Variants in KDM4D observed in about 807,000 individuals in gnomAD.
KDM4D encodes the protein lysine demethylase 4D, also known as lysine-specific demethylase 4D.
For missense variants in KDM4D, 427 were observed against 674.8 expected (o/e 0.63, Z 4.07); for synonymous variants, 254 against 249.1 (o/e 1.02, Z -0.19).
intron 2 of KDM4D, among the ~76,000 whole-genome samples, chr11:94,993,336 A>G (rs902263171): frequency 6.6e-6 from 1 of 152,186 alleles, no homozygotes; most frequent in East Asian, 1.9e-4. Context: ...GGGTAAGGGT[A>G]AAATGGAAGA....
At chr11:94,976,972 ACAAGT>A (rs1482326721) in intron 2 of KDM4D, among the ~76,000 whole-genome samples, 1 of 152,350 alleles carries the variant, frequency 6.6e-6, no homozygotes, top group African/African-American at 2.4e-5. Flanking sequence ...GATGCCAAAA[ACAAGT>A]CAATAAATTC....
intron 2 of KDM4D, 33 bp downstream of exon 2, chr11:94,975,781 T>C (rs1322121911): frequency 2.0e-5 from 3 of 152,140 alleles, no homozygotes; most frequent in African/African-American, 7.2e-5. Flanking sequence ...AATGAATGAA[T>C]GATGCACTAT....
chr11:94,992,471 G>T (rs1016533896), intron 2 of KDM4D, among the ~76,000 whole-genome samples: 2 of 151,860 alleles, frequency 1.3e-5, no homozygotes. Context: ...AACCTTAGTC[G>T]TTGTCCAAGA....
At chr11:94,979,672 GA>G (rs1555097371) in intron 2 of KDM4D, among the ~76,000 whole-genome samples, 1 of 152,130 alleles carries the variant, frequency 6.6e-6, no homozygotes, top group Non-Finnish European at 1.5e-5. Context: ...CTGTAGCTCT[GA>G]TATACTATTT....
At chr11:94,978,040 A>T (rs954903385) in intron 2 of KDM4D, among the ~76,000 whole-genome samples, 7 of 152,348 alleles carry the variant, frequency 4.6e-5, no homozygotes, top group Middle Eastern at 3.4e-3. Context: ...TGAAGATATG[A>T]TAAGACCCAG....
chr11:94,992,667 A>C (rs1857945215), intron 2 of KDM4D, among the ~76,000 whole-genome samples: 1 of 152,122 alleles, frequency 6.6e-6, no homozygotes, highest in South Asian at 2.1e-4. Context: ...TAAGTATCTA[A>C]TCTAAGAAAT....
At chr11:94,980,764 A>G (rs1205416026) in intron 2 of KDM4D, among the ~76,000 whole-genome samples, 1 of 152,126 alleles carries the variant, frequency 6.6e-6, no homozygotes, top group African/African-American at 2.4e-5. Flanking sequence ...ATATGTAGCT[A>G]TTTTAAATTC....
At chr11:94,995,734 C>T (rs1857970552) in intron 2 of KDM4D, among the ~76,000 whole-genome samples, 1 of 152,124 alleles carries the variant, frequency 6.6e-6, no homozygotes, top group South Asian at 2.1e-4. Context: ...GACTATTTGA[C>T]TAAATAGAGA....
chr11:94,994,295 A>G lies in KDM4D; in HGVS notation c.-349-2729A>G, dbSNP rs587741043. 1.4e-3 allele frequency among the ~76,000 whole-genome samples: 215 copies of G among 152,298 alleles called. 1 individual carries two copies. The highest frequency in any genetic ancestry group is 5.0e-3 in the African/African-American group (207 of 41,576). On this transcript the variant is annotated intron_variant, in intron 2 of 2. Coordinates refer to ENST00000335080, the MANE Select transcript of KDM4D (RefSeq NM_018039.3). ...CTTAGTTTCAGGAGAAAGATCATCA[A>G]TTTGTATTAAACCAGTTGACTTTCA...
intron 2 of KDM4D, among the ~76,000 whole-genome samples, chr11:94,982,983 GA>G (rs761692846): frequency 2.6e-5 from 4 of 151,900 alleles, no homozygotes; most frequent in Non-Finnish European, 5.9e-5. Flanking sequence ...GTATTTGACA[GA>G]ACCTGACAGA....
intron 2 of KDM4D, among the ~76,000 whole-genome samples, chr11:94,984,087 CAT>C (rs1857864317): frequency 6.6e-6 from 1 of 151,936 alleles, no homozygotes; most frequent in Admixed American, 6.6e-5. Context: ...TATAACAGAC[CAT>C]ATATAGTGTA....
intron 2 of KDM4D, among the ~76,000 whole-genome samples, chr11:94,976,719 C>T (rs1293126163): frequency 6.6e-6 from 1 of 152,148 alleles, no homozygotes; most frequent in African/African-American, 2.4e-5. Flanking sequence ...TAGTTTGGCC[C>T]TTGATTGCAA....
chr11:94,991,957 C>T (rs1555098742), intron 2 of KDM4D, among the ~76,000 whole-genome samples: 1 of 151,808 alleles, frequency 6.6e-6, no homozygotes, highest in Non-Finnish European at 1.5e-5. Context: ...TGTAAAGAAC[C>T]AAGAATCATA....
At position 94,998,908 on chromosome 11, in the gene KDM4D, C is replaced by T. The variant is rs781897685; in HGVS notation, c.1536C>T (p.Val512=). The T allele has an allele frequency of 2.6e-6, 4 of 1,514,446 alleles. No individual in the cohort carries two copies. The highest frequency in any genetic ancestry group is 3.5e-6 in the Non-Finnish European group (4 of 1,131,454). 93.8% of individuals were successfully genotyped at this position (1,514,446 alleles called of 1,614,324 possible). The change falls in exon 3 of 3, where the codon GTC becomes GTT. Residue 512 remains valine, a synonymous_variant. Coordinates refer to ENST00000335080, the MANE Select transcript of KDM4D (RefSeq NM_018039.3). This position sits in a 1 kb window ranked among gnomAD's most constrained non-coding sequence, Gnocchi z 6.7. ...TGAGCCCAGGGCTCCAGCATCCTGT[C>T]AAGGCTTCTGGGTGCAGCTGGGCCC... ...VPLSPGLQHP[V]KASGCSWAPV... is the part of the protein sequence containing the mutation.
intron 2 of KDM4D, among the ~76,000 whole-genome samples, chr11:94,989,227 G>C (rs1256446512): frequency 1.3e-5 from 2 of 152,164 alleles, no homozygotes; most frequent in Non-Finnish European, 2.9e-5. Flanking sequence ...TTATTGAGTA[G>C]TTTACAGAAT....
In KDM4D at chr11:94,997,355, G is replaced by C. The variant is rs782517456; in HGVS notation, c.-18G>C. The stretch of plus-strand genomic sequence containing the variant: ...TATCTAGAACATACCTAAAAACTAA[G>C]AGTTTACTGCTTATTAAATGGAAAC... On this transcript the variant is annotated 5_prime_UTR_variant, in exon 3 of 3. Transcript: ENST00000335080. The C allele has an allele frequency of 6.4e-7, 1 of 1,559,004 alleles. No individual in the cohort carries two copies. The highest frequency in any genetic ancestry group is 8.6e-7 in the Non-Finnish European group (1 of 1,157,276).
At chr11:94,994,242 T>C (rs1251601794) in intron 2 of KDM4D, among the ~76,000 whole-genome samples, 2 of 152,136 alleles carry the variant, frequency 1.3e-5, no homozygotes, top group Admixed American at 1.3e-4. Flanking sequence ...TTGCCCTTGA[T>C]AGAAATAAAA....
intron 2 of KDM4D, among the ~76,000 whole-genome samples, chr11:94,983,625 G>T (rs1232452496): frequency 6.6e-6 from 1 of 151,934 alleles, no homozygotes; most frequent in Non-Finnish European, 1.5e-5. Context: ...GAAAAAATCG[G>T]CAAAAGGTAT....
intron 2 of KDM4D, among the ~76,000 whole-genome samples, chr11:94,988,939 C>T (rs1486119516): frequency 1.3e-5 from 2 of 152,152 alleles, no homozygotes; most frequent in African/African-American, 4.8e-5. Context: ...CGTCATGCAA[C>T]AACCTGAAGA....
Sources: allele counts gnomAD v4.1 joint callset (sites outside exome capture counted in the v4.1 genomes callset), GRCh38; gene constraint gnomAD v4.1.1; non-coding constraint Gnocchi (gnomAD v3.1); transcripts MANE v1.5; gene names NCBI Gene and HGNC (gene_info 2026-07-23, HGNC 2026-07-21).